Variants in PRPF8 observed in about 807,000 individuals in gnomAD.
The protein encoded by PRPF8 is pre-mRNA-processing-splicing factor 8.
A neutral mutation model predicts 285.9 loss-of-function variants in PRPF8; 64 were observed. The ratio of observed to expected loss-of-function variants is 0.22; its 90% CI spans 0.18 to 0.28. PRPF8 has a LOEUF of 0.28. Among genes scored for constraint, PRPF8 ranks in the 10% least tolerant of loss-of-function variants. PRPF8 has a pLI of 1.00. For missense variants in PRPF8, 1,426 were observed against 3,026.7 expected (o/e 0.47, Z 12.41); for synonymous variants, 1,325 against 1,118.2 (o/e 1.18, Z -3.69).
At chr17:1,666,927 C>T (rs1295690688) in intron 24 of PRPF8, among the ~76,000 whole-genome samples, 1 of 152,146 alleles carries the variant, frequency 6.6e-6, no homozygotes, top group African/African-American at 2.4e-5. Context: ...GTAATCCCAG[C>T]ACTTTGGGAG....
intron 37 of PRPF8, 176 bp from the exon 38 acceptor site, chr17:1,654,192 C>G: frequency 1.1e-6 from 1 of 909,002 alleles, no homozygotes; most frequent in Non-Finnish European, 1.8e-6. Context: ...TTCCAAGATT[C>G]GTCAGATCCA....
rs752975695 is a variant in PRPF8, at chr17:1,661,895, C to T, written c.4022+11G>A. On this transcript the variant is annotated intron_variant, in intron 25 of 42. Transcript: ENST00000304992. This position sits in a 1 kb window ranked among gnomAD's most constrained non-coding sequence, Gnocchi z 7.3. ...CAATAGGGTTTAGAAATACGTTGAA[C>T]CAGGCTGTACCTGAGGTCGGATTGG... 2 of 1,614,160 alleles carry T rather than the reference C, an allele frequency of 1.2e-6. No individual in the cohort carries two copies. Among genetic ancestry groups the T allele is most frequent in the Non-Finnish European group, 1.7e-6 (2 of 1,180,036 alleles).
In PRPF8 at chr17:1,673,775, G is replaced by A; in HGVS notation, c.3417C>T (p.Arg1139=). 1 of 1,614,162 alleles carries A rather than the reference G, an allele frequency of 6.2e-7. No homozygotes were observed. The highest frequency in any genetic ancestry group is 8.5e-7 in the Non-Finnish European group (1 of 1,180,044). Reference sequence around the variant, plus strand: ...TAACATCATGTTTCATGAGGCGCATGCGGGCATCTCGGGGCCAGCACTTCT... The same window carrying A: ...TAACATCATGTTTCATGAGGCGCATACGGGCATCTCGGGGCCAGCACTTCT... ...NNKKCWPRDA[R]MRLMKHDVNL... Residue 1139 remains arginine, a synonymous_variant, in exon 22 of 43, where the codon CGC becomes CGT. Coordinates refer to ENST00000304992, the MANE Select transcript of PRPF8 (RefSeq NM_006445.4). The surrounding 1 kb of genome is among the most constrained non-coding windows in gnomAD (Gnocchi z 5.5).
intron 24 of PRPF8, among the ~76,000 whole-genome samples, chr17:1,666,101 G>C (rs1288630652): frequency 6.6e-6 from 1 of 151,272 alleles, no homozygotes; most frequent in East Asian, 2.0e-4. Flanking sequence ...GGGAGACGGA[G>C]CTTGCAGTGA....
At position 1,659,214 on chromosome 17, in the gene PRPF8, C is replaced by T. The variant is rs111284155; in HGVS notation, c.5138+143G>A. On this transcript the variant is annotated intron_variant, in intron 32 of 42. Coordinates refer to ENST00000304992, the MANE Select transcript of PRPF8 (RefSeq NM_006445.4). The surrounding 1 kb of genome is among the most constrained non-coding windows in gnomAD (Gnocchi z 5.1). ...CTAATTTTTTGTATTTTGGTAGAGA[C>T]AGGGTTTCACCATGTTGCCCAGACT... 3 of 929,688 alleles carry T rather than the reference C, an allele frequency of 3.2e-6. No individual in the cohort carries two copies. Among genetic ancestry groups the T allele is most frequent in the African/African-American group, 1.6e-5 (1 of 61,404 alleles). 57.6% of individuals were successfully genotyped at this position (929,688 alleles called of 1,614,324 possible).
intron 2 of PRPF8, 84 bp downstream of exon 2, chr17:1,684,388 A>C (rs1913114595): frequency 1.4e-6 from 2 of 1,404,178 alleles, no homozygotes; most frequent in African/African-American, 2.8e-5. Context: ...GGAGCTGCCC[A>C]AACGGGGAGG....
chr17:1,684,432 C>T, intron 2 of PRPF8, 40 bp downstream of exon 2: 1 of 1,608,968 alleles, frequency 6.2e-7, no homozygotes, highest in Non-Finnish European at 8.5e-7. Context: ...CACACCCGCC[C>T]CGCCTCCGGC....
intron 14 of PRPF8, 22 bp from the exon 15 acceptor site, chr17:1,677,194 G>A: frequency 1.9e-6 from 3 of 1,608,750 alleles, no homozygotes; most frequent in Non-Finnish European, 2.5e-6. Flanking sequence ...GTGTCCCAAG[G>A]GGATTACAAG....
At position 1,658,337 on chromosome 17, in the gene PRPF8, G is replaced by A; in HGVS notation, c.5421C>T (p.Ile1807=). The A allele has an allele frequency of 6.2e-7, 1 of 1,614,230 alleles. No homozygotes were observed. Among genetic ancestry groups the A allele is most frequent in the Non-Finnish European group, 8.5e-7 (1 of 1,180,052 alleles). Residue 1807 remains isoleucine (I), a synonymous_variant, in exon 34 of 43, where the codon ATC becomes ATT. Coordinates refer to ENST00000304992, the MANE Select transcript of PRPF8 (RefSeq NM_006445.4). The surrounding 1 kb of genome is among the most constrained non-coding windows in gnomAD (Gnocchi z 4.1). ...NLTTKPINGA[I]FIFNPRTGQL... ...GCCCTGTGCGTGGGTTGAAGATGAAGATGGCTCCGTTGATGGGCTTGGTTG... is the reference window on the plus strand; with the variant it reads ...GCCCTGTGCGTGGGTTGAAGATGAAAATGGCTCCGTTGATGGGCTTGGTTG...
At position 1,655,516 on chromosome 17, in the gene PRPF8, G is replaced by A; in HGVS notation, c.5821C>T (p.Arg1941Cys). The change falls in exon 37 of 43, where the codon CGT (arginine) becomes TGT (cysteine). Residue 1941 changes from arginine to cysteine, a missense_variant. This residue lies in a region of PRPF8 where 29 missense variants were observed against 86.4 expected (regional missense o/e 0.34). Coordinates refer to ENST00000304992, the MANE Select transcript of PRPF8 (RefSeq NM_006445.4). The part of the protein sequence containing the change: ...TAFSRLILIL[R>C]ALHVNNDRAK... ...CGATCGTTGTTCACATGTAGGGCAC[G>A]CAGAATCAGGATGAGACGGGAGAAG... The A allele has an allele frequency of 2.5e-6, 4 of 1,613,796 alleles. No homozygotes were observed. Among genetic ancestry groups the A allele is most frequent in the Non-Finnish European group, 3.4e-6 (4 of 1,179,710 alleles).
chr17:1,661,412 A>G lies in PRPF8; in HGVS notation c.4203-6T>C. 1 of 1,614,110 alleles carries G rather than the reference A, an allele frequency of 6.2e-7. No individual in the cohort carries two copies. Among genetic ancestry groups the G allele is most frequent in the Non-Finnish European group, 8.5e-7 (1 of 1,180,034 alleles). ...GGTCTTCTAAAGTCAGGCGTCTTCCAAAAAAAGAAAGATTCAAGTCAAAAC... is the reference window on the plus strand; with the variant it reads ...GGTCTTCTAAAGTCAGGCGTCTTCCGAAAAAAGAAAGATTCAAGTCAAAAC... On this transcript the variant is annotated splice_polypyrimidine_tract_variant and splice_region_variant and intron_variant, in intron 26 of 42. Coordinates refer to ENST00000304992, the MANE Select transcript of PRPF8 (RefSeq NM_006445.4). The surrounding 1 kb of genome is among the most constrained non-coding windows in gnomAD (Gnocchi z 7.3).
At chr17:1,684,441 G>C (rs775107715) in intron 2 of PRPF8, 31 bp downstream of exon 2, 77 of 1,610,768 alleles carry the variant, frequency 4.8e-5, no homozygotes, top group Non-Finnish European at 3.3e-5. Flanking sequence ...CCCGCCTCCG[G>C]CCCGCGCGCC....
chr17:1,664,999 TACAA>T (rs1307777516), intron 24 of PRPF8, among the ~76,000 whole-genome samples: 1 of 148,080 alleles, frequency 6.8e-6, no homozygotes, highest in African/African-American at 2.5e-5. Flanking sequence ...CTACTAAAAA[TACAA>T]AAAAAAATTA....
At chr17:1,663,321 CGGT>C (rs1304809681) in intron 24 of PRPF8, among the ~76,000 whole-genome samples, 1 of 151,766 alleles carries the variant, frequency 6.6e-6, no homozygotes, top group Non-Finnish European at 1.5e-5. Flanking sequence ...AAGAGTAAGA[CGGT>C]AGATTTAAAC....
chr17:1,662,230 T>C, intron 24 of PRPF8, 77 bp from the exon 25 acceptor site: 1 of 1,508,302 alleles, frequency 6.6e-7, no homozygotes, highest in Admixed American at 1.7e-5. Context: ...ATGCAGTTAG[T>C]TTTATCCCTA....
In PRPF8 at chr17:1,661,094, G is replaced by A. The variant is rs752864502; in HGVS notation, c.4407C>T (p.Asn1469=). ...RHDGKLWNLN[N]YRTDMIQALG... ...GGGCCTGGATCATGTCTGTACGGTAGTTGTTCAGGTTCCAGAGCTTCCCAT... is the reference window on the plus strand; with the variant it reads ...GGGCCTGGATCATGTCTGTACGGTAATTGTTCAGGTTCCAGAGCTTCCCAT... Residue 1469 remains asparagine (N), a synonymous_variant, in exon 28 of 43, where the codon AAC becomes AAT. Coordinates refer to ENST00000304992, the MANE Select transcript of PRPF8 (RefSeq NM_006445.4). The surrounding 1 kb of genome is among the most constrained non-coding windows in gnomAD (Gnocchi z 7.3). 5.8e-5 allele frequency: 93 copies of A among 1,614,112 alleles called. No homozygotes were observed. Among genetic ancestry groups the A allele is most frequent in the Non-Finnish European group, 7.7e-5 (91 of 1,180,042 alleles).
intron 24 of PRPF8, among the ~76,000 whole-genome samples, chr17:1,664,900 G>C (rs914123117): frequency 1.9e-4 from 29 of 152,244 alleles, no homozygotes; most frequent in South Asian, 6.2e-4. Flanking sequence ...GCTCATATCT[G>C]TAAGCCCAGC....
chr17:1,683,744 T>C, intron 2 of PRPF8, 43 bp from the exon 3 acceptor site: 1 of 1,610,148 alleles, frequency 6.2e-7, no homozygotes, highest in African/African-American at 1.3e-5. Context: ...ACCCTCCCCC[T>C]AATCCTCTTC....
intron 13 of PRPF8, 76 bp downstream of exon 13, chr17:1,678,442 C>T (rs1912730156): frequency 6.3e-7 from 1 of 1,591,212 alleles, no homozygotes; most frequent in South Asian, 1.1e-5. Context: ...AAGATCGTGC[C>T]ATTGCACACC....
Sources: allele counts gnomAD v4.1 joint callset (sites outside exome capture counted in the v4.1 genomes callset), GRCh38; gene constraint gnomAD v4.1.1; regional missense constraint gnomAD v4.1.1; non-coding constraint Gnocchi (gnomAD v3.1); transcripts MANE v1.5; gene names NCBI Gene and HGNC (gene_info 2026-07-23, HGNC 2026-07-21).